ABLIM1: variants seen among roughly 807,000 people sequenced by gnomAD.
ABLIM1 encodes the protein actin-binding LIM protein 1.
ABLIM1 carries 40 observed loss-of-function variants against 107.0 expected under a neutral mutation model. That is an observed-to-expected ratio of 0.37 (90% CI 0.29 to 0.49). The LOEUF (loss-of-function observed/expected upper bound fraction) is 0.49, where lower values mean the gene tolerates loss of function less well. Ranked by LOEUF, ABLIM1 falls within the 20% of genes least tolerant of loss-of-function variation. The pLI is 0.97. For synonymous variants in ABLIM1, 357 were observed against 357.3 expected (o/e 1.00, Z 0.01); for missense variants, 857 against 1,008.5 (o/e 0.85, Z 2.04).
the ABLIM1 span, among the ~76,000 whole-genome samples, chr10:114,789,624 G>T: frequency 1.3e-5 from 2 of 152,122 alleles, no homozygotes; most frequent in Non-Finnish European, 2.9e-5. Flanking sequence ...ATTCTGACTG[G>T]TGTGAGACGG....
At chr10:114,516,467 T>C (rs938000182) in intron 6 of ABLIM1, among the ~76,000 whole-genome samples, 2 of 152,074 alleles carry the variant, frequency 1.3e-5, no homozygotes, top group Non-Finnish European at 2.9e-5. Context: ...GAGGTTGCAG[T>C]GAGCCGAGAT....
chr10:114,464,247 G>A (rs1266549784), intron 12 of ABLIM1, among the ~76,000 whole-genome samples: 1 of 149,896 alleles, frequency 6.7e-6, no homozygotes, highest in Admixed American at 6.7e-5. Flanking sequence ...GTGCAATGGC[G>A]CCATCTTGGC....
intron 2 of ABLIM1, 100 bp from the exon 3 acceptor site, chr10:114,575,699 A>C (rs202060713): frequency 3.6e-6 from 3 of 837,448 alleles, no homozygotes; most frequent in Non-Finnish European, 4.7e-6. Flanking sequence ...TGTGATCTCA[A>C]TGGTTTGGGG....
intron 1 of ABLIM1, among the ~76,000 whole-genome samples, chr10:114,714,831 A>C (rs747359858): frequency 1.9e-4 from 29 of 152,190 alleles, no homozygotes; most frequent in Non-Finnish European, 2.4e-4. Flanking sequence ...TTGACCCTAC[A>C]TATATTCTTA....
At chr10:114,696,502 G>A (rs1296543107) in intron 1 of ABLIM1, among the ~76,000 whole-genome samples, 2 of 152,154 alleles carry the variant, frequency 1.3e-5, no homozygotes, top group African/African-American at 4.8e-5. Context: ...ATCTCATCTT[G>A]AATTGTAGCT....
intron 2 of ABLIM1, among the ~76,000 whole-genome samples, chr10:114,598,578 C>T (rs2075680151): frequency 6.7e-6 from 1 of 150,252 alleles, no homozygotes; most frequent in Non-Finnish European, 1.5e-5. Context: ...CAGAGTGAGA[C>T]TCTGTATCAA....
At chr10:114,664,367 G>T (rs1358054357) in intron 1 of ABLIM1, among the ~76,000 whole-genome samples, 1 of 152,192 alleles carries the variant, frequency 6.6e-6, no homozygotes, top group Non-Finnish European at 1.5e-5. Flanking sequence ...GAATTAGCAG[G>T]AAACCAGGCG....
chr10:114,768,614 C>A (rs2082962562), upstream of ABLIM1, among the ~76,000 whole-genome samples: 1 of 152,072 alleles, frequency 6.6e-6, no homozygotes, highest in African/African-American at 2.4e-5. Context: ...CGGGGACCGA[C>A]CCACCAGCCC....
At chr10:114,747,768 G>A (rs1362102521) in intron 1 of ABLIM1, among the ~76,000 whole-genome samples, 2 of 152,212 alleles carry the variant, frequency 1.3e-5, no homozygotes, top group African/African-American at 4.8e-5. Flanking sequence ...GCCTGGGCAC[G>A]ATGGCTCACG....
rs554975560 is a variant in ABLIM1, at chr10:114,523,187, G to GATTT, written c.894+21817_894+21818insAAAT. 3.4e-3 allele frequency among the ~76,000 whole-genome samples: 514 copies of GATTT among 152,172 alleles called. 5 individuals are homozygous for GATTT. The highest frequency in any genetic ancestry group is 0.012 in the African/African-American group (498 of 41,514). Reference sequence around the variant, plus strand: ...CAAAACAAAAAAATCCATGGAGCTGGGGTTGGTTTGTGAACCAAAGCAAGA... The same window carrying GATTT: ...CAAAACAAAAAAATCCATGGAGCTGGATTTGGTTGGTTTGTGAACCAAAGCAAGA... On this transcript the variant is annotated intron_variant, in intron 6 of 22. Coordinates refer to ENST00000533213, the MANE Select transcript of ABLIM1 (RefSeq NM_002313.7).
chr10:114,524,596 C>CA (rs1417441499), intron 6 of ABLIM1, among the ~76,000 whole-genome samples: 12 of 151,718 alleles, frequency 7.9e-5, no homozygotes, highest in African/African-American at 2.7e-4. Flanking sequence ...ACAACAACAA[C>CA]AAAAAACTCT....
At chr10:114,763,907 T>C (rs778842092) in intron 1 of ABLIM1, among the ~76,000 whole-genome samples, 1 of 152,160 alleles carries the variant, frequency 6.6e-6, no homozygotes, top group Non-Finnish European at 1.5e-5. Flanking sequence ...GTACCTTTGA[T>C]AAACACTCCA....
At chr10:114,578,244 G>A (rs912900317) in intron 2 of ABLIM1, among the ~76,000 whole-genome samples, 5 of 152,158 alleles carry the variant, frequency 3.3e-5, no homozygotes, top group African/African-American at 9.7e-5. Context: ...CAGGCAGACC[G>A]CCATGCCTCT....
intron 1 of ABLIM1, among the ~76,000 whole-genome samples, chr10:114,673,402 C>G (rs1292473729): frequency 2.6e-5 from 4 of 152,174 alleles, no homozygotes; most frequent in African/African-American, 9.7e-5. Context: ...AATCCAAAAC[C>G]CTTACTATGG....
exon 1 of ABLIM1, chr10:114,684,641 C>T (rs1035812793): frequency 2.5e-6 from 3 of 1,189,850 alleles, no homozygotes; most frequent in Non-Finnish European, 2.1e-6. Context: ...TGCAAAAGCA[C>T]ATCAGCTCAA....
the ABLIM1 span, among the ~76,000 whole-genome samples, chr10:114,797,830 T>C: frequency 6.6e-6 from 1 of 152,206 alleles, no homozygotes; most frequent in Admixed American, 6.5e-5. Flanking sequence ...GACAGTTAGA[T>C]TGGCCTATAA....
chr10:114,641,144 T>C (rs1191409337), intron 1 of ABLIM1, among the ~76,000 whole-genome samples: 1 of 149,958 alleles, frequency 6.7e-6, no homozygotes, highest in Non-Finnish European at 1.5e-5. Flanking sequence ...ATATCGAAGC[T>C]GGGGGATTTA....
At chr10:114,624,704 T>TTTTCTC (rs1192039644) in intron 1 of ABLIM1, among the ~76,000 whole-genome samples, 2 of 152,180 alleles carry the variant, frequency 1.3e-5, no homozygotes, top group Non-Finnish European at 2.9e-5. Context: ...AATGACATCT[T>TTTTCTC]TTTCTCTCTG....
chr10:114,635,064 A>T (rs2078409821), intron 1 of ABLIM1, among the ~76,000 whole-genome samples: 1 of 152,256 alleles, frequency 6.6e-6, no homozygotes, highest in Non-Finnish European at 1.5e-5. Flanking sequence ...TTATTCTTAT[A>T]TCTTGAGATG....
Sources: gnomAD v4.1 joint callset for allele counts (sites outside exome capture counted in the v4.1 genomes callset) on GRCh38, gnomAD v4.1.1 for gene constraint, MANE v1.5 for transcripts, NCBI Gene and HGNC (gene_info 2026-07-23, HGNC 2026-07-21) for gene names.